The following CSMD3 variants were observed in gnomAD, a reference collection of about 807,000 sequenced individuals.
CSMD3 encodes CUB and sushi domain-containing protein 3.
CSMD3 carries 177 observed loss-of-function variants against 435.2 expected under a neutral mutation model. The observed-to-expected ratio is 0.41, with a 90% confidence interval of 0.36 to 0.46. The LOEUF is 0.46. Among genes scored for constraint, CSMD3 ranks in the 20% least tolerant of loss-of-function variants. CSMD3 has a pLI of 0.34. For synonymous variants in CSMD3, 1,656 were observed against 1,520.5 expected (o/e 1.09, Z -2.07); for missense variants, 4,265 against 4,504.6 (o/e 0.95, Z 1.52).
chr8:112,915,873 T>C (rs1217205381), intron 10 of CSMD3, among the ~76,000 whole-genome samples: 1 of 151,830 alleles, frequency 6.6e-6, no homozygotes, highest in Admixed American at 6.6e-5. Context: ...TGAGGCAAAT[T>C]CTCAGCATTC....
At chr8:112,886,743 C>T (rs2081609106) in intron 10 of CSMD3, among the ~76,000 whole-genome samples, 1 of 151,452 alleles carries the variant, frequency 6.6e-6, no homozygotes, top group African/African-American at 2.4e-5. Context: ...TCTGAGGATG[C>T]TCAAGTTCCT....
chr8:113,427,049 A>C (rs1309592221), intron 1 of CSMD3, among the ~76,000 whole-genome samples: 6 of 151,512 alleles, frequency 4.0e-5, no homozygotes. Flanking sequence ...TTAAAATTAA[A>C]AAGACAGGTT....
intron 19 of CSMD3, among the ~76,000 whole-genome samples, chr8:112,649,651 C>A (rs889242524): frequency 1.3e-5 from 2 of 152,050 alleles, no homozygotes; most frequent in African/African-American, 4.8e-5. Flanking sequence ...AACAAAGAAG[C>A]AGTAAGGAAC....
At chr8:112,920,242 T>C (rs1308634488) in intron 10 of CSMD3, among the ~76,000 whole-genome samples, 4 of 151,892 alleles carry the variant, frequency 2.6e-5, no homozygotes, top group Non-Finnish European at 4.4e-5. Context: ...TTAGTTTTCA[T>C]GATTAACAGT....
At chr8:113,219,916 A>T (rs2092947503) in intron 3 of CSMD3, among the ~76,000 whole-genome samples, 1 of 151,474 alleles carries the variant, frequency 6.6e-6, no homozygotes, top group African/African-American at 2.4e-5. Context: ...TTTATGAAGA[A>T]CTTTTGACAT....
chr8:113,000,872 A>G lies in CSMD3; in HGVS notation c.1030+18195T>C, dbSNP rs1030395002. ...TCCTTCTTAACACACCTACTCAATCATCACTTGCAACCACAAATATACTCT... is the reference window on the plus strand; with the variant it reads ...TCCTTCTTAACACACCTACTCAATCGTCACTTGCAACCACAAATATACTCT... On this transcript the variant is annotated intron_variant, in intron 6 of 70. Coordinates refer to ENST00000297405, the MANE Select transcript of CSMD3 (RefSeq NM_198123.2). Among the ~76,000 whole-genome samples the G allele has an allele frequency of 7.9e-5, 12 of 152,166 alleles. No homozygotes were observed. The South Asian group carries it at 1.0e-3, about 13-fold the overall frequency.
chr8:112,927,506 A>T (rs2082948207), intron 9 of CSMD3, among the ~76,000 whole-genome samples: 1 of 152,070 alleles, frequency 6.6e-6, no homozygotes, highest in Non-Finnish European at 1.5e-5. Context: ...CTCTCATTTT[A>T]AGCTGGTAGT....
chr8:112,847,978 C>A (rs150400950), intron 11 of CSMD3, among the ~76,000 whole-genome samples: 1 of 152,124 alleles, frequency 6.6e-6, no homozygotes, highest in African/African-American at 2.4e-5. Flanking sequence ...TAAATTGGAC[C>A]TTCACTACTT....
intron 20 of CSMD3, among the ~76,000 whole-genome samples, chr8:112,641,032 C>A (rs1477890257): frequency 1.3e-5 from 2 of 152,044 alleles, no homozygotes; most frequent in East Asian, 1.9e-4. Flanking sequence ...CTTTCTGAGC[C>A]CTACTTTCTC....
chr8:113,308,655 G>C (rs1016135357), intron 2 of CSMD3, among the ~76,000 whole-genome samples: 13 of 152,090 alleles, frequency 8.5e-5, no homozygotes, highest in Admixed American at 8.5e-4. Context: ...TCATATTTCT[G>C]TATCTGTATC....
intron 1 of CSMD3, among the ~76,000 whole-genome samples, chr8:113,421,498 A>G (rs1232308217): frequency 6.6e-6 from 1 of 152,232 alleles, no homozygotes; most frequent in Non-Finnish European, 1.5e-5. Flanking sequence ...ATAAGAATGC[A>G]TATACTTCAT....
chr8:113,429,238 T>TTA (rs4027734), intron 1 of CSMD3, among the ~76,000 whole-genome samples: 23 of 150,746 alleles, frequency 1.5e-4, no homozygotes, highest in East Asian at 9.8e-4. Flanking sequence ...AATAATTGTC[T>TTA]TATATATATA....
chr8:112,249,686 T>A (rs1338120973), intron 63 of CSMD3, among the ~76,000 whole-genome samples: 1 of 152,080 alleles, frequency 6.6e-6, no homozygotes, highest in African/African-American at 2.4e-5. Context: ...TCTAGCATCA[T>A]CATTAACAGC....
At chr8:113,420,058 A>C (rs1309926682) in intron 1 of CSMD3, among the ~76,000 whole-genome samples, 2 of 152,184 alleles carry the variant, frequency 1.3e-5, no homozygotes, top group African/African-American at 4.8e-5. Flanking sequence ...ATCTCAAATA[A>C]TATTATGAAA....
intron 1 of CSMD3, among the ~76,000 whole-genome samples, chr8:113,399,401 A>G (rs1489455407): frequency 2.0e-5 from 3 of 151,908 alleles, no homozygotes; most frequent in Admixed American, 6.6e-5. Context: ...TATAACAGCC[A>G]AAAAGTAGAA....
Position 112,414,375 on chromosome 8 carries a change from TC to T in CSMD3, c.5396-5344del, listed in dbSNP as rs533067084. The stretch of plus-strand genomic sequence containing the variant: ...TGATGGCTTTATAAGCATCTGGCAT[TC>T]CCCCTGCTGGCTCACCCTGTGTCCT... On this transcript the variant is annotated intron_variant, in intron 32 of 70. Coordinates refer to ENST00000297405, the MANE Select transcript of CSMD3 (RefSeq NM_198123.2). Among the ~76,000 whole-genome samples, 36 of 152,190 alleles carry T rather than the reference TC, an allele frequency of 2.4e-4. No individual in the cohort carries two copies. In the South Asian group the frequency reaches 7.5e-3, roughly 32 times the overall value.
intron 40 of CSMD3, among the ~76,000 whole-genome samples, chr8:112,347,619 T>C (rs1424332955): frequency 6.6e-6 from 1 of 152,222 alleles, no homozygotes; most frequent in African/African-American, 2.4e-5. Context: ...CTTGTGATTA[T>C]AATCAAGCTC....
At chr8:113,091,981 T>C (rs567237985) in intron 5 of CSMD3, among the ~76,000 whole-genome samples, 3 of 152,056 alleles carry the variant, frequency 2.0e-5, no homozygotes, top group South Asian at 2.1e-4. Flanking sequence ...ATATATGTGG[T>C]ATCTATACCT....
intron 1 of CSMD3, among the ~76,000 whole-genome samples, chr8:113,315,628 A>AATATATATCAAATGTATATTAAAT (rs1256415673): frequency 0.081 from 11,547 of 143,062 alleles, 870 homozygotes; most frequent in Middle Eastern, 0.12. Context: ...ATATATCACA[A>AATATATATCAAATGTATATTAAAT]ATATATATCA....
Sources: allele counts gnomAD v4.1 joint callset (sites outside exome capture counted in the v4.1 genomes callset), GRCh38; gene constraint gnomAD v4.1.1; transcripts MANE v1.5; gene names NCBI Gene and HGNC (gene_info 2026-07-23, HGNC 2026-07-21).